The following ARGLU1 variants were observed in gnomAD, a reference collection of about 807,000 sequenced individuals.
ARGLU1 encodes the protein arginine and glutamate rich 1.
Under a neutral mutation model 37.6 loss-of-function variants are expected in ARGLU1, and 9 were observed. The observed-to-expected ratio is 0.24, with a 90% CI of 0.14 to 0.42. The LOEUF (loss-of-function observed/expected upper bound fraction) is 0.42, where lower values mean the gene tolerates loss of function less well. Ranked by LOEUF, ARGLU1 falls within the 10% of genes least tolerant of loss-of-function variation. The pLI, the probability that ARGLU1 is intolerant of heterozygous loss-of-function variation, is 1.00. For missense variants in ARGLU1, 211 were observed against 359.2 expected, an observed-to-expected ratio of 0.59 and a Z score of 3.34; for synonymous variants, 166 against 138.5, an observed-to-expected ratio of 1.20 and a Z score of -1.39.
rs763369519 is a variant in ARGLU1, at chr13:106,543,314, T to C, written c.*682A>G. 3.9e-5 allele frequency: 6 copies of C among 152,532 alleles called. 1 individual carries two copies. The highest frequency in any genetic ancestry group is 1.3e-4 in the Admixed American group (2 of 15,276). The allele number at this position is 152,532 out of a possible 1,614,324, so 9.4% of individuals were successfully genotyped here. A position where few individuals can be genotyped will look rare whatever the true frequency, so the allele number is the denominator to read the frequency against. Reference sequence around the variant, plus strand: ...AGACTTAACATAACATTAAAAAAAATTGCTTCAACATATGAATTTAAGACT... The same window carrying C: ...AGACTTAACATAACATTAAAAAAAACTGCTTCAACATATGAATTTAAGACT... On this transcript the variant is annotated 3_prime_UTR_variant, in exon 4 of 4. Coordinates refer to ENST00000400198, the MANE Select transcript of ARGLU1 (RefSeq NM_018011.4).
chr13:106,559,331 T>C (rs561334040), intron 2 of ARGLU1, 101 bp downstream of exon 2: 16 of 1,560,132 alleles, frequency 1.0e-5, no homozygotes, highest in Admixed American at 1.9e-5. Context: ...AGGAATTAGA[T>C]AGTCTGTATT....
chr13:106,546,978 G>A (rs557410985), intron 3 of ARGLU1, among the ~76,000 whole-genome samples: 9 of 152,256 alleles, frequency 5.9e-5, no homozygotes, highest in African/African-American at 2.2e-4. Flanking sequence ...TAGGCCATGA[G>A]GGGTTCATCC....
At chr13:106,560,738 C>T (rs1418436441) in intron 1 of ARGLU1, among the ~76,000 whole-genome samples, 1 of 152,152 alleles carries the variant, frequency 6.6e-6, no homozygotes, top group East Asian at 1.9e-4. Context: ...CAGTAAATCT[C>T]AATCCTAAGA....
At chr13:106,562,755 G>A (rs2138975709) in intron 1 of ARGLU1, among the ~76,000 whole-genome samples, 1 of 152,072 alleles carries the variant, frequency 6.6e-6, no homozygotes, top group East Asian at 1.9e-4. Context: ...ACTTTGGGAG[G>A]CCCAGGCAGG....
intron 3 of ARGLU1, among the ~76,000 whole-genome samples, chr13:106,554,148 C>T (rs748336074): frequency 6.6e-6 from 1 of 152,222 alleles, no homozygotes; most frequent in African/African-American, 2.4e-5. Context: ...ATACCACTTA[C>T]CAAATATTTC....
chr13:106,564,386 G>T (rs1880900881), intron 1 of ARGLU1, among the ~76,000 whole-genome samples: 1 of 152,052 alleles, frequency 6.6e-6, no homozygotes, highest in Non-Finnish European at 1.5e-5. Flanking sequence ...TAAAAACAAG[G>T]TTAGAGGGAG....
chr13:106,562,818 C>G (rs544477861), intron 1 of ARGLU1, among the ~76,000 whole-genome samples: 20 of 150,830 alleles, frequency 1.3e-4, no homozygotes, highest in African/African-American at 4.9e-4. Flanking sequence ...GGTGAAACCC[C>G]ATCTCTACTA....
At position 106,557,006 on chromosome 13, in the gene ARGLU1, A is replaced by C. The variant is rs2138971564; in HGVS notation, c.657+42T>G. On this transcript the variant is annotated intron_variant, in intron 3 of 3. Transcript: ENST00000400198. The surrounding 1 kb of genome is among the most constrained non-coding windows in gnomAD (Gnocchi z 5.0). ...CCACAAAATCCGAAAAAAGGAAATA[A>C]AGCAAAATACAAAACACTTTTCATG... is the stretch of plus-strand genomic sequence containing the variant. The C allele has an allele frequency of 2.6e-6, 4 of 1,550,142 alleles. No homozygotes were observed. The African/African-American group carries it at 4.1e-5, about 16-fold the overall frequency.
intron 1 of ARGLU1, among the ~76,000 whole-genome samples, chr13:106,564,937 T>C (rs1227204285): frequency 3.9e-5 from 6 of 152,202 alleles, no homozygotes; most frequent in Non-Finnish European, 7.3e-5. Context: ...AGCCACACTA[T>C]AAACATGAGA....
At position 106,559,567 on chromosome 13, in the gene ARGLU1, C is replaced by T. The variant is rs201371100; in HGVS notation, c.438G>A (p.Leu146=). ...GTTCAATTTCATCCTTCCTTTTCTC[C>T]AGTTCTTCCTCCACCCTTTTTGCTA... ...ELVAKRVEEE[L]EKRKDEIERE... is the part of the protein sequence containing the mutation. Residue 146 remains leucine (L), a synonymous_variant, in exon 2 of 4, where the codon CTG becomes CTA. Transcript: ENST00000400198. 5 of 1,614,188 alleles carry T rather than the reference C, an allele frequency of 3.1e-6. No individual in the cohort carries two copies. In the Admixed American group the frequency reaches 6.7e-5, roughly 22 times the overall value.
At chr13:106,562,696 A>T (rs1438554445) in intron 1 of ARGLU1, among the ~76,000 whole-genome samples, 2 of 152,122 alleles carry the variant, frequency 1.3e-5, no homozygotes, top group African/African-American at 2.4e-5. Context: ...CAGGTATTTT[A>T]AAAACACTAG....
In ARGLU1 at chr13:106,557,727, G is replaced by A; in HGVS notation, c.574-596C>T. The stretch of plus-strand genomic sequence containing the variant: ...GAGCTGAGGAATGCAGATGTTTATG[G>A]TAAGAAGGAACAAAAAATGTAATTC... On this transcript the variant is annotated intron_variant, in intron 2 of 3. Coordinates refer to ENST00000400198, the MANE Select transcript of ARGLU1 (RefSeq NM_018011.4). The surrounding 1 kb of genome is among the most constrained non-coding windows in gnomAD (Gnocchi z 5.0). 1 of 1,368,514 alleles carries A rather than the reference G, an allele frequency of 7.3e-7. No homozygotes were observed. Among genetic ancestry groups the A allele is most frequent in the Non-Finnish European group, 9.5e-7 (1 of 1,048,518 alleles). 84.8% of individuals were successfully genotyped at this position (1,368,514 alleles called of 1,614,324 possible). A position where few individuals can be genotyped will look rare whatever the true frequency, so the allele number is the denominator to read the frequency against.
chr13:106,546,112 C>T (rs1030620298), intron 3 of ARGLU1, among the ~76,000 whole-genome samples: 2 of 152,016 alleles, frequency 1.3e-5, no homozygotes, highest in African/African-American at 2.4e-5. Flanking sequence ...TATTCTCTGC[C>T]TAGAGTTTAT....
chr13:106,568,096 C>T lies in ARGLU1; in HGVS notation c.-177G>A, dbSNP rs1021899457. ...CAGCTGCCACGAAGGCCGCCTCCAACGAGAAACCCGTAGCGCCAGGCGCCC... is the reference window on the plus strand; with the variant it reads ...CAGCTGCCACGAAGGCCGCCTCCAATGAGAAACCCGTAGCGCCAGGCGCCC... On this transcript the variant is annotated 5_prime_UTR_variant, in exon 1 of 4. Transcript: ENST00000400198. 13 of 984,792 alleles carry T rather than the reference C, an allele frequency of 1.3e-5. No individual in the cohort carries two copies. The Admixed American group carries it at 3.4e-4, about 26-fold the overall frequency. The allele number at this position is 984,792 out of a possible 1,614,324, so 61.0% of individuals were successfully genotyped here. A position where few individuals can be genotyped will look rare whatever the true frequency, so the allele number is the denominator to read the frequency against.
At chr13:106,558,386 A>T (rs1880711290) in intron 2 of ARGLU1, 1 of 985,440 alleles carries the variant, frequency 1.0e-6, no homozygotes. Context: ...GAGATTTAAT[A>T]TGTCAACTTG....
chr13:106,558,492 A>T (rs899715704), intron 2 of ARGLU1: 5 of 985,460 alleles, frequency 5.1e-6, no homozygotes, highest in Non-Finnish European at 6.0e-6. Flanking sequence ...GATTTCCTAC[A>T]TCACACACCA....
intron 1 of ARGLU1, among the ~76,000 whole-genome samples, chr13:106,564,850 A>C (rs1880916962): frequency 6.6e-6 from 1 of 152,156 alleles, no homozygotes; most frequent in African/African-American, 2.4e-5. Flanking sequence ...CTTATCCACT[A>C]TTTAAAAAGT....
At chr13:106,549,807 A>C (rs1444229532) in intron 3 of ARGLU1, among the ~76,000 whole-genome samples, 1 of 152,184 alleles carries the variant, frequency 6.6e-6, no homozygotes, top group East Asian at 1.9e-4. Flanking sequence ...CCTGAAGTGA[A>C]GACAACTGTT....
In ARGLU1 at chr13:106,567,784, T is replaced by A. The variant is rs1388624134; in HGVS notation, c.136A>T (p.Ser46Cys). The change falls in exon 1 of 4, where the codon AGT becomes TGT. Residue 46 changes from serine (S) to cysteine (C), a missense_variant. Ser to Cys is a moderately radical substitution (Grantham distance 112). Transcript: ENST00000400198. This position sits in a 1 kb window ranked among gnomAD's most constrained non-coding sequence, Gnocchi z 4.3. The stretch of plus-strand genomic sequence containing the variant: ...GACTCCCGCCGCCGGTTCCGTTTAC[T>A]TTCCCGAGATTTGGAACGCTTCCGC... ...RVRKRSKSRESKRNRRRESRS... is the reference protein window; with the variant it reads ...RVRKRSKSRECKRNRRRESRS... The A allele has an allele frequency of 1.2e-6, 2 of 1,613,418 alleles. No individual in the cohort carries two copies. Among genetic ancestry groups the A allele is most frequent in the African/African-American group, 1.3e-5 (1 of 74,970 alleles).
Sources: allele counts gnomAD v4.1 joint callset (sites outside exome capture counted in the v4.1 genomes callset), GRCh38; gene constraint gnomAD v4.1.1; non-coding constraint Gnocchi (gnomAD v3.1); transcripts MANE v1.5; gene names NCBI Gene and HGNC (gene_info 2026-07-23, HGNC 2026-07-21).